H2BN1: variants seen among roughly 807,000 people sequenced by gnomAD.
The protein encoded by H2BN1 is H2B.N variant histone 1, also known as histone H2B.N.
chr17:32,900,197 A>G, the H2BN1 span, among the ~76,000 whole-genome samples: 1 of 152,242 alleles, frequency 6.6e-6, no homozygotes, highest in East Asian at 1.9e-4. Context: ...TTTGGAACAC[A>G]TACCAATAAC....
At chr17:32,895,771 A>T in the H2BN1 span, among the ~76,000 whole-genome samples, 3 of 152,202 alleles carry the variant, frequency 2.0e-5, no homozygotes, top group Admixed American at 2.0e-4. Context: ...TGGATCTGCT[A>T]ATGGCTGCTG....
At chr17:32,897,337 C>T in the H2BN1 span, among the ~76,000 whole-genome samples, 3 of 139,876 alleles carry the variant, frequency 2.1e-5, no homozygotes, top group Non-Finnish European at 4.6e-5. Flanking sequence ...CTTCTTCCCT[C>T]CCTCCCCTCT....
the H2BN1 span, among the ~76,000 whole-genome samples, chr17:32,896,617 T>C: frequency 6.6e-6 from 1 of 151,598 alleles, no homozygotes; most frequent in Non-Finnish European, 1.5e-5. Flanking sequence ...AAGGGGAAAA[T>C]GAGATTAAGG....
the H2BN1 span, among the ~76,000 whole-genome samples, chr17:32,903,668 C>T: frequency 3.3e-5 from 5 of 151,998 alleles, no homozygotes; most frequent in Non-Finnish European, 5.9e-5. Context: ...AGAAAAATAG[C>T]GAAAAAGAAT....
chr17:32,904,436 C>T, the H2BN1 span, among the ~76,000 whole-genome samples: 1 of 152,186 alleles, frequency 6.6e-6, no homozygotes, highest in East Asian at 1.9e-4. Flanking sequence ...TGTGTTCAGC[C>T]ACCCCTACTT....
the H2BN1 span, among the ~76,000 whole-genome samples, chr17:32,896,184 G>A: frequency 6.6e-6 from 1 of 152,078 alleles, no homozygotes. Flanking sequence ...CCAAAGTGTT[G>A]GAATTATAGA....
the H2BN1 span, among the ~76,000 whole-genome samples, chr17:32,901,058 A>T: frequency 6.6e-6 from 1 of 152,152 alleles, no homozygotes; most frequent in African/African-American, 2.4e-5. Context: ...AAATACAAAA[A>T]TTAGCTGGGC....
chr17:32,902,831 C>T, the H2BN1 span, among the ~76,000 whole-genome samples: 1 of 114,962 alleles, frequency 8.7e-6, no homozygotes, highest in Admixed American at 9.6e-5. Context: ...CAGAGCGAGA[C>T]TCCATCTCAA....
chr17:32,905,398 A>C, the H2BN1 span, among the ~76,000 whole-genome samples: 1 of 152,212 alleles, frequency 6.6e-6, no homozygotes, highest in African/African-American at 2.4e-5. Flanking sequence ...GGTACCAAGC[A>C]CCGACAAGAG....
chr17:32,895,718 CAT>C, the H2BN1 span, among the ~76,000 whole-genome samples: 1 of 152,210 alleles, frequency 6.6e-6, no homozygotes, highest in Non-Finnish European at 1.5e-5. Flanking sequence ...GTCCTTCACA[CAT>C]AGTGTTCCTG....
At chr17:32,896,801 T>C in the H2BN1 span, among the ~76,000 whole-genome samples, 1 of 152,128 alleles carries the variant, frequency 6.6e-6, no homozygotes, top group Non-Finnish European at 1.5e-5. Flanking sequence ...TGCCAGTTGC[T>C]CCCTCCCTCC....
chr17:32,905,755 C>T, the H2BN1 span: 100,476 of 151,908 alleles, frequency 0.66, 34,752 homozygotes, highest in African/African-American at 0.87. Context: ...CAACTCAAAG[C>T]GCGGAGGGGG....
At chr17:32,901,456 G>A in the H2BN1 span, among the ~76,000 whole-genome samples, 1 of 151,842 alleles carries the variant, frequency 6.6e-6, no homozygotes, top group Admixed American at 6.6e-5. Flanking sequence ...ATAGTCCCTG[G>A]GCCTTGAGGA....
chr17:32,905,292 G>C, the H2BN1 span, among the ~76,000 whole-genome samples: 2 of 152,182 alleles, frequency 1.3e-5, no homozygotes, highest in Non-Finnish European at 2.9e-5. Context: ...TTTAGTTCTT[G>C]ACTAAATTTG....
the H2BN1 span, among the ~76,000 whole-genome samples, chr17:32,897,099 T>C: frequency 6.6e-6 from 1 of 152,122 alleles, no homozygotes; most frequent in Non-Finnish European, 1.5e-5. Flanking sequence ...AAACAAGATA[T>C]TGGTTGGATA....
chr17:32,900,881 C>T, the H2BN1 span, among the ~76,000 whole-genome samples: 2 of 151,958 alleles, frequency 1.3e-5, no homozygotes, highest in Admixed American at 6.5e-5. Flanking sequence ...GCACCCAGCC[C>T]TTGTTTTTAA....
At chr17:32,901,482 T>C in the H2BN1 span, among the ~76,000 whole-genome samples, 2 of 152,286 alleles carry the variant, frequency 1.3e-5, no homozygotes, top group South Asian at 2.1e-4. Flanking sequence ...ATAATTTTAA[T>C]TTCTGGCCCT....
the H2BN1 span, among the ~76,000 whole-genome samples, chr17:32,898,247 G>A: frequency 2.6e-5 from 4 of 152,272 alleles, no homozygotes; most frequent in Middle Eastern, 3.4e-3. Context: ...TATATTTTAG[G>A]GAGACATGAG....
chr17:32,903,266 T>C, the H2BN1 span, among the ~76,000 whole-genome samples: 1 of 151,874 alleles, frequency 6.6e-6, no homozygotes, highest in African/African-American at 2.4e-5. Flanking sequence ...TTCCTATCAG[T>C]TCATAAAAAA....
Sources: gnomAD v4.1 joint callset for allele counts (sites outside exome capture counted in the v4.1 genomes callset) on GRCh38, gnomAD v4.1.1 for gene constraint, MANE v1.5 for transcripts, NCBI Gene and HGNC (gene_info 2026-07-23, HGNC 2026-07-21) for gene names.